The following CTNNA3 variants were observed in gnomAD, a reference collection of about 807,000 sequenced individuals.
CTNNA3 encodes catenin alpha-3.
In CTNNA3, 76 loss-of-function variants were observed where a neutral mutation model predicts 95.7. The ratio of observed to expected loss-of-function variants is 0.79; its 90% CI spans 0.66 to 0.96. The LOEUF (loss-of-function observed/expected upper bound fraction) is 0.96. Among genes scored for constraint, CTNNA3 ranks in the 40% least tolerant of loss-of-function variants. The probability of loss-of-function intolerance (pLI) is 0.00; values close to 1 mark genes in which losing one functional copy is unlikely to be tolerated. For missense variants in CTNNA3, 1,191 were observed against 1,089.8 expected (o/e 1.09, Z -1.31); for synonymous variants, 431 against 374.4 (o/e 1.15, Z -1.74).
chr10:67,632,676 C>T (rs556982523), intron 2 of CTNNA3, among the ~76,000 whole-genome samples: 83 of 152,212 alleles, frequency 5.5e-4, no homozygotes, highest in African/African-American at 1.9e-3. Context: ...CTTTGTAATC[C>T]GTGGATCAGG....
intron 13 of CTNNA3, among the ~76,000 whole-genome samples, chr10:66,257,811 C>G (rs1338501795): frequency 6.6e-6 from 1 of 152,164 alleles, no homozygotes; most frequent in African/African-American, 2.4e-5. Flanking sequence ...TCAGCTAGCA[C>G]AAACCTTAGA....
intron 14 of CTNNA3, among the ~76,000 whole-genome samples, chr10:66,072,348 C>T (rs1031225647): frequency 6.6e-6 from 1 of 152,152 alleles, no homozygotes; most frequent in African/African-American, 2.4e-5. Flanking sequence ...GACCAGGGAA[C>T]ACAGATTTTT....
At chr10:67,151,945 C>A (rs1861105209) in intron 7 of CTNNA3, among the ~76,000 whole-genome samples, 1 of 152,204 alleles carries the variant, frequency 6.6e-6, no homozygotes, top group African/African-American at 2.4e-5. Flanking sequence ...TCTCCAGTTT[C>A]CCCCTATTCT....
intron 7 of CTNNA3, among the ~76,000 whole-genome samples, chr10:66,821,316 A>G (rs892013876): frequency 1.2e-4 from 19 of 152,190 alleles, no homozygotes; most frequent in Non-Finnish European, 2.5e-4. Context: ...TTCCAAATGT[A>G]TAATGCTTTG....
chr10:67,368,649 G>A (rs981929053), intron 5 of CTNNA3, among the ~76,000 whole-genome samples: 7 of 151,946 alleles, frequency 4.6e-5, no homozygotes, highest in Non-Finnish European at 8.8e-5. Context: ...AACGAATAAT[G>A]GTATCCATAC....
chr10:67,704,724 C>CTGT, intron 1 of CTNNA3, among the ~76,000 whole-genome samples: 1 of 152,010 alleles, frequency 6.6e-6, no homozygotes, highest in Non-Finnish European at 1.5e-5. Flanking sequence ...TGGGCAAGGA[C>CTGT]TTCATGTCTA....
intron 11 of CTNNA3, among the ~76,000 whole-genome samples, chr10:66,501,371 G>C (rs1017885520): frequency 6.6e-6 from 1 of 152,136 alleles, no homozygotes; most frequent in Non-Finnish European, 1.5e-5. Context: ...TTTGTTGATA[G>C]AAAGATAGCC....
intron 7 of CTNNA3, among the ~76,000 whole-genome samples, chr10:67,079,561 T>G (rs1342887693): frequency 6.6e-6 from 1 of 151,932 alleles, no homozygotes; most frequent in Non-Finnish European, 1.5e-5. Context: ...AACAATAAGA[T>G]AGTCACAGCC....
intron 1 of CTNNA3, among the ~76,000 whole-genome samples, chr10:67,663,257 T>A (rs1028410899): frequency 4.6e-5 from 7 of 152,216 alleles, no homozygotes; most frequent in African/African-American, 1.7e-4. Context: ...ATCTATGTGT[T>A]TACAAAACTA....
chr10:66,314,580 A>G (rs1368298867), intron 12 of CTNNA3, among the ~76,000 whole-genome samples: 1 of 151,986 alleles, frequency 6.6e-6, no homozygotes, highest in Non-Finnish European at 1.5e-5. Context: ...CAAGATCTCA[A>G]TTTCCTCCAA....
chr10:66,027,817 A>G (rs2079372036), intron 15 of CTNNA3, among the ~76,000 whole-genome samples: 1 of 152,216 alleles, frequency 6.6e-6, no homozygotes, highest in Non-Finnish European at 1.5e-5. Context: ...TTGGCTCAAA[A>G]AATACTGACA....
rs192920110 is a variant in CTNNA3, at chr10:66,650,795, C to T, written c.1282-29011G>A. On this transcript the variant is annotated intron_variant, in intron 9 of 17. Transcript: ENST00000433211. The stretch of plus-strand genomic sequence containing the variant: ...ATCCCTCCTGGTGGGTTTGTGGTCT[C>T]GCTGGCTTCAGGAGTGAAGCTGCAG... 5.9e-5 allele frequency among the ~76,000 whole-genome samples: 9 copies of T among 152,230 alleles called. No individual in the cohort carries two copies. In the East Asian group the frequency reaches 1.7e-3, roughly 30 times the overall value.
At chr10:66,920,168 G>A (rs759747888) in intron 7 of CTNNA3, among the ~76,000 whole-genome samples, 8 of 152,162 alleles carry the variant, frequency 5.3e-5, no homozygotes, top group Non-Finnish European at 2.9e-5. Context: ...TTTTGTCATA[G>A]ATACTCTGAT....
At chr10:66,913,619 T>C (rs913384026) in intron 7 of CTNNA3, among the ~76,000 whole-genome samples, 3 of 152,128 alleles carry the variant, frequency 2.0e-5, no homozygotes, top group African/African-American at 7.2e-5. Context: ...ACAGAATACA[T>C]GGTAGAGTCA....
chr10:67,114,220 A>C (rs1458314218), intron 7 of CTNNA3, among the ~76,000 whole-genome samples: 1 of 152,160 alleles, frequency 6.6e-6, no homozygotes, highest in East Asian at 1.9e-4. Context: ...AATTTGTACC[A>C]ATGTACTAAT....
chr10:67,002,482 CTTTAA>C lies in CTNNA3; in HGVS notation c.1047+177830_1047+177834del, dbSNP rs1851745671. On this transcript the variant is annotated intron_variant, in intron 7 of 17. Coordinates refer to ENST00000433211, the MANE Select transcript of CTNNA3 (RefSeq NM_013266.4). ...AAATCCAAGCCATAGATAAGAGCTACTTTAATTTAACTGGTATTTATGGTTGAGGA... is the reference window on the plus strand; with the variant it reads ...AAATCCAAGCCATAGATAAGAGCTACTTTAACTGGTATTTATGGTTGAGGA... 4.6e-5 allele frequency among the ~76,000 whole-genome samples: 7 copies of C among 152,152 alleles called. No individual in the cohort carries two copies. The South Asian group carries it at 1.5e-3, about 32-fold the overall frequency.
intron 7 of CTNNA3, among the ~76,000 whole-genome samples, chr10:66,997,694 A>T (rs1395017055): frequency 1.3e-5 from 2 of 152,124 alleles, no homozygotes; most frequent in African/African-American, 4.8e-5. Context: ...TCATCTAAAT[A>T]CCTCATTAAA....
Position 66,609,060 on chromosome 10 carries a change from C to CT in CTNNA3, c.1374+12631dup, listed in dbSNP as rs547830394. Among the ~76,000 whole-genome samples the CT allele has an allele frequency of 8.6e-4, 130 of 150,950 alleles. No homozygotes were observed. The Middle Eastern group carries it at 0.017, about 20-fold the overall frequency. On this transcript the variant is annotated intron_variant, in intron 10 of 17. Coordinates refer to ENST00000433211, the MANE Select transcript of CTNNA3 (RefSeq NM_013266.4). ...TATGCATCTGACAAAGGTCTATTATCTTTTTTTTTCTTTTTTTGAGACAGA... is the reference window on the plus strand; with the variant it reads ...TATGCATCTGACAAAGGTCTATTATCTTTTTTTTTTCTTTTTTTGAGACAGA...
chr10:66,606,311 A>G lies in CTNNA3; in HGVS notation c.1374+15381T>C, dbSNP rs897881811. Among the ~76,000 whole-genome samples the G allele has an allele frequency of 3.3e-5, 5 of 152,168 alleles. No individual in the cohort carries two copies. In the South Asian group the frequency reaches 8.3e-4, roughly 25 times the overall value. On this transcript the variant is annotated intron_variant, in intron 10 of 17. Coordinates refer to ENST00000433211, the MANE Select transcript of CTNNA3 (RefSeq NM_013266.4). ...GACCTTCAGAATCTTAGGCTCCCAC[A>G]CAATAATACTGGGAGACTTCAATAC...
Sources: gnomAD v4.1 joint callset for allele counts (sites outside exome capture counted in the v4.1 genomes callset) on GRCh38, gnomAD v4.1.1 for gene constraint, MANE v1.5 for transcripts, NCBI Gene and HGNC (gene_info 2026-07-23, HGNC 2026-07-21) for gene names.